Variants in LRRC7 observed in about 807,000 individuals in gnomAD.
LRRC7 encodes the protein leucine-rich repeat-containing protein 7.
LRRC7 carries 23 observed loss-of-function variants against 175.7 expected under a neutral mutation model. The ratio of observed to expected loss-of-function variants is 0.13; its 90% CI spans 0.09 to 0.19. LRRC7 has a LOEUF of 0.19. Among genes scored for constraint, LRRC7 ranks in the 10% least tolerant of loss-of-function variants. The probability of loss-of-function intolerance (pLI) is 1.00; values close to 1 mark genes in which losing one functional copy is unlikely to be tolerated. For missense variants in LRRC7, 1,354 were observed against 1,904.7 expected, an observed-to-expected ratio of 0.71 and a Z score of 5.38; for synonymous variants, 685 against 680.9, an observed-to-expected ratio of 1.01 and a Z score of -0.09.
chr1:69,907,178 T>C (rs1440379066), intron 7 of LRRC7, among the ~76,000 whole-genome samples: 4 of 152,202 alleles, frequency 2.6e-5, no homozygotes, highest in African/African-American at 7.2e-5. Context: ...AATGGGGTTT[T>C]CTAAATATAC....
intron 26 of LRRC7, among the ~76,000 whole-genome samples, chr1:70,115,435 C>T (rs1665786796): frequency 6.7e-6 from 1 of 148,636 alleles, no homozygotes; most frequent in Admixed American, 6.6e-5. Flanking sequence ...CTCTATTTGC[C>T]AGGTTTTTTG....
intron 7 of LRRC7, among the ~76,000 whole-genome samples, chr1:69,923,699 T>A (rs940626714): frequency 6.6e-6 from 1 of 152,076 alleles, no homozygotes; most frequent in Non-Finnish European, 1.5e-5. Flanking sequence ...ATTCTGGATA[T>A]TAGCCCTTTG....
At chr1:69,651,935 C>G (rs1655894065) in intron 1 of LRRC7, among the ~76,000 whole-genome samples, 1 of 151,870 alleles carries the variant, frequency 6.6e-6, no homozygotes, top group Non-Finnish European at 1.5e-5. Context: ...ATGGCTTGGT[C>G]CAGTCAGCAT....
In LRRC7 at chr1:69,678,465, G is replaced by A. The variant is rs1375606367; in HGVS notation, c.87G>A (p.Arg29=). 4 of 1,602,432 alleles carry A rather than the reference G, an allele frequency of 2.5e-6. No homozygotes were observed. Among genetic ancestry groups the A allele is most frequent in the Non-Finnish European group, 3.4e-6 (4 of 1,174,564 alleles). Residue 29 remains arginine, a synonymous_variant, in exon 2 of 27, where the codon AGG becomes AGA. Transcript: ENST00000651989. ...AGGTTCGTGCAGCACTTCGGAAGAG[G>A]CCTGAAGAGGAGTGTAAGTATGTTT... The part of the protein sequence containing the change: ...CKEVRAALRK[R]PEEELQCLEM...
At chr1:69,593,159 T>C (rs1043999625) in intron 1 of LRRC7, among the ~76,000 whole-genome samples, 1 of 152,072 alleles carries the variant, frequency 6.6e-6, no homozygotes, top group African/African-American at 2.4e-5. Context: ...GTGTATAGCA[T>C]GGAAGACAGG....
In LRRC7 at chr1:70,129,807, TC is replaced by T. The variant is rs1320840056; in HGVS notation, c.*7921del. Among the ~76,000 whole-genome samples the T allele has an allele frequency of 6.6e-6, 1 of 152,222 alleles. No individual in the cohort carries two copies. The highest frequency in any genetic ancestry group is 2.4e-5 in the African/African-American group (1 of 41,464). ...TCACACATACCATGTATCATCAACA[TC>T]TATTCTTCTAAGGAGTTCTGATCCT... On this transcript the variant is annotated 3_prime_UTR_variant, in exon 27 of 27. Transcript: ENST00000651989.
chr1:69,570,574 C>T (rs978796260), intron 1 of LRRC7, among the ~76,000 whole-genome samples: 1 of 152,096 alleles, frequency 6.6e-6, no homozygotes, highest in East Asian at 1.9e-4. Flanking sequence ...ACAGATTACA[C>T]CACCTTCCCA....
intron 11 of LRRC7, among the ~76,000 whole-genome samples, chr1:69,996,629 T>C (rs1463366737): frequency 1.3e-5 from 2 of 152,130 alleles, no homozygotes; most frequent in Admixed American, 6.5e-5. Context: ...CTAGCCAGTT[T>C]TCCTAGCACC....
chr1:69,713,215 G>A (rs1232377248), intron 2 of LRRC7, among the ~76,000 whole-genome samples: 1 of 152,100 alleles, frequency 6.6e-6, no homozygotes, highest in Non-Finnish European at 1.5e-5. Flanking sequence ...GCCAGGCACG[G>A]TGGTTCATAC....
intron 7 of LRRC7, among the ~76,000 whole-genome samples, chr1:69,838,896 T>TTGCCTTA (rs1438276320): frequency 6.6e-6 from 1 of 152,020 alleles, no homozygotes; most frequent in Admixed American, 6.6e-5. Context: ...TCACCCAGCT[T>TTGCCTTA]TGCCTTATTC....
intron 3 of LRRC7, among the ~76,000 whole-genome samples, chr1:69,777,288 G>T (rs1355587053): frequency 6.6e-6 from 1 of 152,126 alleles, no homozygotes; most frequent in Non-Finnish European, 1.5e-5. Context: ...GTTCTCAGAA[G>T]GGAGGGATGA....
chr1:69,958,447 T>C (rs1485520679), intron 8 of LRRC7, among the ~76,000 whole-genome samples: 1 of 151,962 alleles, frequency 6.6e-6, no homozygotes, highest in African/African-American at 2.4e-5. Context: ...TGTGATCCTG[T>C]GAGAAACAGA....
At chr1:69,846,813 G>T (rs115021054) in intron 7 of LRRC7, among the ~76,000 whole-genome samples, 1,806 of 151,590 alleles carry the variant, frequency 0.012, 30 homozygotes, top group African/African-American at 0.041. Flanking sequence ...AGAAAATCTG[G>T]GTGTGTGCAA....
At chr1:69,762,865 C>A (rs941420684) in intron 3 of LRRC7, among the ~76,000 whole-genome samples, 3 of 151,862 alleles carry the variant, frequency 2.0e-5, no homozygotes, top group Non-Finnish European at 4.4e-5. Context: ...ATTTATTATC[C>A]TTTATCATTG....
Position 69,586,186 on chromosome 1 carries a change from TTAA to T in LRRC7, c.2+17546_2+17548del, listed in dbSNP as rs989697412. ...TTGTCAATTTAAAATACTGACCTAC[TTAA>T]AAGACTTCTTTCCTTGTCCTTCCTC... On this transcript the variant is annotated intron_variant, in intron 1 of 26. Coordinates refer to ENST00000651989, the MANE Select transcript of LRRC7 (RefSeq NM_001370785.2). Among the ~76,000 whole-genome samples, 101 of 152,326 alleles carry T rather than the reference TTAA, an allele frequency of 6.6e-4. 1 individual carries two copies. Among genetic ancestry groups the T allele is most frequent in the African/African-American group, 2.3e-3 (96 of 41,584 alleles).
At chr1:69,591,755 A>G (rs1646644347) in intron 1 of LRRC7, among the ~76,000 whole-genome samples, 1 of 152,084 alleles carries the variant, frequency 6.6e-6, no homozygotes, top group African/African-American at 2.4e-5. Flanking sequence ...CAGAATAAAC[A>G]AGAATCAGAT....
At chr1:69,577,635 G>A (rs1393810918) in intron 1 of LRRC7, among the ~76,000 whole-genome samples, 1 of 152,104 alleles carries the variant, frequency 6.6e-6, no homozygotes, top group African/African-American at 2.4e-5. Flanking sequence ...ATTAAATAGG[G>A]AATCCTTTCC....
chr1:69,819,646 G>A (rs1259305802), intron 4 of LRRC7, among the ~76,000 whole-genome samples: 2 of 145,668 alleles, frequency 1.4e-5, no homozygotes, highest in African/African-American at 2.5e-5. Flanking sequence ...TTGCAAGCAG[G>A]GTATCGAAGT....
At chr1:69,577,955 A>T (rs1169450315) in intron 1 of LRRC7, among the ~76,000 whole-genome samples, 1 of 152,148 alleles carries the variant, frequency 6.6e-6, no homozygotes, top group African/African-American at 2.4e-5. Context: ...CATTGAATCT[A>T]TAAATTACCT....
Sources: allele counts gnomAD v4.1 joint callset (sites outside exome capture counted in the v4.1 genomes callset), GRCh38; gene constraint gnomAD v4.1.1; transcripts MANE v1.5; gene names NCBI Gene and HGNC (gene_info 2026-07-23, HGNC 2026-07-21).